ATF7IP: variants seen among roughly 807,000 people sequenced by gnomAD.
ATF7IP encodes the protein activating transcription factor 7 interacting protein, also known as activating transcription factor 7-interacting protein 1.
Under a neutral mutation model 106.4 loss-of-function variants are expected in ATF7IP, and 23 were observed. The observed-to-expected ratio is 0.22, with a 90% CI of 0.16 to 0.31. The LOEUF (loss-of-function observed/expected upper bound fraction) is 0.31. ATF7IP is among the 10% of genes least tolerant of loss of function. The probability of loss-of-function intolerance (pLI) is 1.00; values close to 1 mark genes in which losing one functional copy is unlikely to be tolerated. For missense variants in ATF7IP, 1,334 were observed against 1,524.3 expected (o/e 0.88, Z 2.08); for synonymous variants, 542 against 539.0 (o/e 1.01, Z -0.08).
chr12:14,481,014 G>T lies in ATF7IP; in HGVS notation c.3109G>T (p.Val1037Leu). ...CTGCCTTGCATTAGCTCCAACTACC[G>T]TGAATGTAACACATCGTCCAGTAAC... ...IHLLPTAPTTVNVTHRPVTQV... is the reference protein window; with the variant it reads ...IHLLPTAPTTLNVTHRPVTQV... Residue 1037 changes from valine to leucine, a missense_variant, in exon 13 of 15, where the codon GTG (valine) becomes TTG (leucine). Around this residue, in one of 10 missense-constraint regions of ATF7IP, gnomAD observed 370 missense variants for 401.2 expected, o/e 0.92. Coordinates refer to ENST00000261168, the MANE Select transcript of ATF7IP (RefSeq NM_018179.5). 1 of 1,613,538 alleles carries T rather than the reference G, an allele frequency of 6.2e-7. No homozygotes were observed. The highest frequency in any genetic ancestry group is 1.7e-4 in the Middle Eastern group (1 of 6,048).
chr12:14,446,550 C>T (rs906954684), intron 5 of ATF7IP, among the ~76,000 whole-genome samples: 4 of 152,152 alleles, frequency 2.6e-5, no homozygotes, highest in African/African-American at 4.8e-5. Flanking sequence ...TTGAAAGTGT[C>T]ACAGTAAAGC....
At chr12:14,488,658 CG>C (rs1343400535) in intron 13 of ATF7IP, among the ~76,000 whole-genome samples, 2 of 152,132 alleles carry the variant, frequency 1.3e-5, no homozygotes, top group Admixed American at 6.6e-5. Flanking sequence ...ACAAGTCTAC[CG>C]CTTGTCAACC....
intron 9 of ATF7IP, among the ~76,000 whole-genome samples, chr12:14,463,851 A>G (rs1378927904): frequency 6.6e-6 from 1 of 152,208 alleles, no homozygotes; most frequent in Non-Finnish European, 1.5e-5. Context: ...GATGTGTGGA[A>G]GAGATGGAGA....
At chr12:14,434,952 G>A (rs757179046) in intron 3 of ATF7IP, among the ~76,000 whole-genome samples, 14 of 152,100 alleles carry the variant, frequency 9.2e-5, no homozygotes, top group Non-Finnish European at 1.3e-4. Context: ...GCCAGGCATG[G>A]TGGCACACAC....
At position 14,478,597 on chromosome 12, in the gene ATF7IP, C is replaced by A. The variant is rs546077812; in HGVS notation, c.3097+125C>A. The stretch of plus-strand genomic sequence containing the variant: ...TCTTGTTAATTTGAGGACTACAGTG[C>A]ATGTCCTTTTGAAGGCAGTATAACT... On this transcript the variant is annotated intron_variant, in intron 12 of 14. Transcript: ENST00000261168. 36 of 1,093,652 alleles carry A rather than the reference C, an allele frequency of 3.3e-5. No individual in the cohort carries two copies. The South Asian group carries it at 5.2e-4, about 16-fold the overall frequency. The allele number at this position is 1,093,652 out of a possible 1,614,324, so 67.7% of individuals were successfully genotyped here.
intron 1 of ATF7IP, among the ~76,000 whole-genome samples, chr12:14,414,600 C>T (rs915868121): frequency 6.6e-6 from 1 of 152,178 alleles, no homozygotes; most frequent in Non-Finnish European, 1.5e-5. Flanking sequence ...ATATCTCTGT[C>T]ATATTGGTCT....
chr12:14,487,125 C>CTTT (rs35870394), intron 13 of ATF7IP, among the ~76,000 whole-genome samples: 34 of 151,062 alleles, frequency 2.3e-4, no homozygotes, highest in Middle Eastern at 6.8e-3. Flanking sequence ...CTATTAGAAC[C>CTTT]TTTTTTTTTA....
chr12:14,374,162 A>T (rs1938637441), intron 1 of ATF7IP, among the ~76,000 whole-genome samples: 2 of 150,064 alleles, frequency 1.3e-5, no homozygotes, highest in Non-Finnish European at 3.0e-5. Flanking sequence ...CAGTGGTGTG[A>T]TCATGGCTCA....
intron 8 of ATF7IP, among the ~76,000 whole-genome samples, chr12:14,459,633 C>T (rs1015061524): frequency 7.9e-5 from 12 of 152,154 alleles, no homozygotes; most frequent in African/African-American, 2.9e-4. Context: ...TTTGACATTG[C>T]AAACTCCCTG....
intron 1 of ATF7IP, among the ~76,000 whole-genome samples, chr12:14,415,832 G>T (rs1460142487): frequency 6.6e-6 from 1 of 151,794 alleles, no homozygotes; most frequent in Non-Finnish European, 1.5e-5. Flanking sequence ...GTAATTTAAA[G>T]ATAATTTAAA....
intron 6 of ATF7IP, among the ~76,000 whole-genome samples, chr12:14,452,012 G>A (rs1287935411): frequency 2.0e-5 from 3 of 151,928 alleles, no homozygotes; most frequent in Admixed American, 6.6e-5. Flanking sequence ...TTCTTTCAAT[G>A]TTTGTTTCAT....
chr12:14,410,505 C>CTTGTG, intron 1 of ATF7IP, among the ~76,000 whole-genome samples: 1 of 152,162 alleles, frequency 6.6e-6, no homozygotes, highest in South Asian at 2.1e-4. Context: ...CTTCAACGTG[C>CTTGTG]AAGAGTAGTG....
chr12:14,369,656 A>T (rs1938454204), intron 1 of ATF7IP, among the ~76,000 whole-genome samples: 1 of 152,108 alleles, frequency 6.6e-6, no homozygotes, highest in South Asian at 2.1e-4. Context: ...TGTTTTGTTA[A>T]TTTTTTACTA....
intron 13 of ATF7IP, among the ~76,000 whole-genome samples, chr12:14,491,472 ATC>A (rs1020012476): frequency 3.7e-4 from 56 of 152,288 alleles, no homozygotes; most frequent in African/African-American, 1.3e-3. Context: ...TGGCACACAA[ATC>A]TCTCACCAAT....
At chr12:14,374,041 TTC>T (rs1555107086) in intron 1 of ATF7IP, among the ~76,000 whole-genome samples, 20 of 151,716 alleles carry the variant, frequency 1.3e-4, no homozygotes, top group African/African-American at 2.7e-4. Flanking sequence ...AGATTTTTTT[TTC>T]TCTGTTTATA....
At chr12:14,371,419 C>G (rs568436636) in intron 1 of ATF7IP, among the ~76,000 whole-genome samples, 1 of 152,110 alleles carries the variant, frequency 6.6e-6, no homozygotes, top group South Asian at 2.1e-4. Context: ...AGCAACACTG[C>G]TTATAACAGC....
intron 10 of ATF7IP, among the ~76,000 whole-genome samples, chr12:14,469,668 T>G (rs1943967909): frequency 6.6e-6 from 1 of 152,164 alleles, no homozygotes; most frequent in South Asian, 2.1e-4. Context: ...GACTCAAGAT[T>G]CACCTTTAAG....
chr12:14,375,069 C>T (rs761919171), intron 1 of ATF7IP, among the ~76,000 whole-genome samples: 1 of 151,674 alleles, frequency 6.6e-6, no homozygotes, highest in Non-Finnish European at 1.5e-5. Context: ...TTGCTTTCCA[C>T]CATGCCTCCC....
intron 14 of ATF7IP, among the ~76,000 whole-genome samples, chr12:14,497,348 G>A (rs1422731238): frequency 6.6e-6 from 1 of 152,112 alleles, no homozygotes; most frequent in African/African-American, 2.4e-5. Flanking sequence ...GTTAGAAATA[G>A]ATCATTACTT....
Sources: gnomAD v4.1 joint callset for allele counts (sites outside exome capture counted in the v4.1 genomes callset) on GRCh38, gnomAD v4.1.1 for gene constraint, gnomAD v4.1.1 regional missense constraint, MANE v1.5 for transcripts, NCBI Gene and HGNC (gene_info 2026-07-23, HGNC 2026-07-21) for gene names.